EPHB1: variants seen among roughly 807,000 people sequenced by gnomAD.
The protein encoded by EPHB1 is EPH receptor B1.
EPHB1 carries 30 observed loss-of-function variants against 94.4 expected under a neutral mutation model. That is an observed-to-expected ratio of 0.32 (90% CI 0.24 to 0.43). The LOEUF (loss-of-function observed/expected upper bound fraction) is 0.43, where lower values mean the gene tolerates loss of function less well. EPHB1 is among the 20% of genes least tolerant of loss of function. The pLI, the probability that EPHB1 is intolerant of heterozygous loss-of-function variation, is 1.00. For missense variants in EPHB1, 1,055 were observed against 1,308.3 expected (o/e 0.81, Z 2.99); for synonymous variants, 522 against 489.1 (o/e 1.07, Z -0.89).
intron 1 of EPHB1, among the ~76,000 whole-genome samples, chr3:134,920,599 A>G (rs1419581426): frequency 1.3e-5 from 2 of 152,192 alleles, no homozygotes; most frequent in Non-Finnish European, 2.9e-5. Flanking sequence ...CACTGTAAAT[A>G]TTTCAACTGA....
chr3:134,962,298 T>A (rs1157925778), intron 3 of EPHB1, among the ~76,000 whole-genome samples: 2 of 152,264 alleles, frequency 1.3e-5, no homozygotes, highest in Middle Eastern at 3.4e-3. Context: ...AAGTTGGGTG[T>A]GTTTGTGTGC....
chr3:135,124,764 G>A (rs1035992040), intron 4 of EPHB1, among the ~76,000 whole-genome samples: 6 of 151,586 alleles, frequency 4.0e-5, no homozygotes, highest in Non-Finnish European at 5.9e-5. Context: ...CTCTGATAAG[G>A]TTGTGCTCAC....
chr3:134,797,257 G>A (rs565797274), intron 1 of EPHB1, among the ~76,000 whole-genome samples: 1 of 152,338 alleles, frequency 6.6e-6, no homozygotes, highest in South Asian at 2.1e-4. Flanking sequence ...CTGGAGCCGT[G>A]TGGAGTGCCG....
chr3:135,127,481 C>A (rs1019319558), intron 4 of EPHB1, among the ~76,000 whole-genome samples: 1 of 152,152 alleles, frequency 6.6e-6, no homozygotes, highest in Non-Finnish European at 1.5e-5. Flanking sequence ...AGGACACAGA[C>A]CCTGGCTTCA....
intron 3 of EPHB1, among the ~76,000 whole-genome samples, chr3:135,070,047 T>A (rs1937653879): frequency 6.6e-6 from 1 of 152,164 alleles, no homozygotes; most frequent in Non-Finnish European, 1.5e-5. Flanking sequence ...TCCACAGTGT[T>A]TAACTGTGGA....
At chr3:135,253,357 A>G (rs1933214541) in intron 15 of EPHB1, among the ~76,000 whole-genome samples, 1 of 149,422 alleles carries the variant, frequency 6.7e-6, no homozygotes, top group Admixed American at 6.7e-5. Context: ...TCTAACATTT[A>G]AGTCTTTAAT....
chr3:134,806,782 T>A lies in EPHB1; in HGVS notation c.58+11093T>A, dbSNP rs192511176. ...CAGGCAGTAGGCACAAAACCAGAAA[T>A]ATTACAGCCCTTGGGAGCATACATC... On this transcript the variant is annotated intron_variant, in intron 1 of 15. Transcript: ENST00000398015. Among the ~76,000 whole-genome samples the A allele has an allele frequency of 3.3e-5, 5 of 152,104 alleles. No homozygotes were observed. The East Asian group carries it at 9.7e-4, about 29-fold the overall frequency.
chr3:135,258,179 C>T (rs878873767), intron 15 of EPHB1, among the ~76,000 whole-genome samples: 12 of 152,228 alleles, frequency 7.9e-5, no homozygotes, highest in South Asian at 2.1e-4. Context: ...GCGTCGCTCA[C>T]GCTGGGAGCT....
chr3:134,967,391 G>A (rs936814747), intron 3 of EPHB1, among the ~76,000 whole-genome samples: 4 of 152,162 alleles, frequency 2.6e-5, no homozygotes, highest in African/African-American at 7.2e-5. Flanking sequence ...GGTCCTCAAT[G>A]CAGCAGTGTT....
chr3:134,834,752 C>T (rs1158745933), intron 1 of EPHB1, among the ~76,000 whole-genome samples: 4 of 152,072 alleles, frequency 2.6e-5, no homozygotes, highest in Non-Finnish European at 4.4e-5. Context: ...TGGCTGTCAC[C>T]GGCAGATGAA....
intron 3 of EPHB1, among the ~76,000 whole-genome samples, chr3:135,102,319 C>A (rs1939062007): frequency 6.6e-6 from 1 of 152,216 alleles, no homozygotes; most frequent in African/African-American, 2.4e-5. Flanking sequence ...ACTGACCTGG[C>A]TCCAAAGGCC....
At position 135,231,065 on chromosome 3, in the gene EPHB1, C is replaced by A. The variant is rs139425990; in HGVS notation, c.2347-10083C>A. On this transcript the variant is annotated intron_variant, in intron 12 of 15. Coordinates refer to ENST00000398015, the MANE Select transcript of EPHB1 (RefSeq NM_004441.5). Reference sequence around the variant, plus strand: ...ACCACTAAAGACCTGACTACCCCTGCGGGATTCCCTGGACAGTGTCCTCCT... The same window carrying A: ...ACCACTAAAGACCTGACTACCCCTGAGGGATTCCCTGGACAGTGTCCTCCT... Among the ~76,000 whole-genome samples, 40 of 152,318 alleles carry A rather than the reference C, an allele frequency of 2.6e-4. No homozygotes were observed. In the East Asian group the frequency reaches 7.1e-3, roughly 27 times the overall value.
chr3:134,912,171 C>T (rs2038468726), intron 1 of EPHB1, among the ~76,000 whole-genome samples: 1 of 152,162 alleles, frequency 6.6e-6, no homozygotes, highest in African/African-American at 2.4e-5. Flanking sequence ...CCCCTGGGTG[C>T]TTGCATCCTC....
chr3:135,136,281 T>A (rs1205090281), intron 5 of EPHB1, among the ~76,000 whole-genome samples: 1 of 152,224 alleles, frequency 6.6e-6, no homozygotes, highest in African/African-American at 2.4e-5. Flanking sequence ...AGAGACAGGC[T>A]TGTCTGTTGA....
At chr3:135,174,656 G>C (rs775756519) in intron 9 of EPHB1, among the ~76,000 whole-genome samples, 11 of 152,178 alleles carry the variant, frequency 7.2e-5, no homozygotes, top group Non-Finnish European at 1.5e-4. Flanking sequence ...TTGGAGTCCT[G>C]ATTAGTGTTG....
chr3:134,901,058 T>TA (rs561649903), intron 1 of EPHB1, among the ~76,000 whole-genome samples: 44 of 150,472 alleles, frequency 2.9e-4, no homozygotes, highest in South Asian at 2.1e-3. Context: ...AACTTCTTTT[T>TA]AAAAAAAAAA....
chr3:135,088,335 A>G (rs1247685668), intron 3 of EPHB1, among the ~76,000 whole-genome samples: 1 of 152,220 alleles, frequency 6.6e-6, no homozygotes, highest in Non-Finnish European at 1.5e-5. Context: ...AAATTGTTTT[A>G]TCTCTGAGCC....
intron 3 of EPHB1, among the ~76,000 whole-genome samples, chr3:135,061,131 A>T (rs1435442206): frequency 1.3e-5 from 2 of 151,902 alleles, no homozygotes; most frequent in South Asian, 2.1e-4. Context: ...GATCTCATTT[A>T]AAAAAAAATT....
chr3:135,042,365 A>G (rs1936878964), intron 3 of EPHB1, among the ~76,000 whole-genome samples: 2 of 152,240 alleles, frequency 1.3e-5, no homozygotes, highest in African/African-American at 4.8e-5. Context: ...CATTTCTAAA[A>G]TATGCTTTTC....
Sources: allele counts gnomAD v4.1 joint callset (sites outside exome capture counted in the v4.1 genomes callset), GRCh38; gene constraint gnomAD v4.1.1; transcripts MANE v1.5; gene names NCBI Gene and HGNC (gene_info 2026-07-23, HGNC 2026-07-21).